The following POLH variants were observed in gnomAD, a reference collection of about 807,000 sequenced individuals.
The protein encoded by POLH is DNA polymerase eta transcript.
A neutral mutation model predicts 73.6 loss-of-function variants in POLH; 53 were observed. The observed-to-expected ratio is 0.72, with a 90% CI of 0.58 to 0.91. The LOEUF (loss-of-function observed/expected upper bound fraction) is 0.91, where lower values mean the gene tolerates loss of function less well. Ranked by LOEUF, POLH falls within the 40% of genes least tolerant of loss-of-function variation. The probability of loss-of-function intolerance (pLI) is 0.00; values close to 1 mark genes in which losing one functional copy is unlikely to be tolerated. For synonymous variants in POLH, 292 were observed against 308.5 expected (o/e 0.95, Z 0.56); for missense variants, 768 against 865.4 (o/e 0.89, Z 1.41).
intron 1 of POLH, chr6:43,578,317 G>T: frequency 2.9e-6 from 1 of 342,606 alleles, no homozygotes; most frequent in East Asian, 1.1e-4. Context: ...AACCCGGGAG[G>T]CGTAGGTTGC....
intron 9 of POLH, among the ~76,000 whole-genome samples, chr6:43,605,826 T>C (rs1041084522): frequency 2.0e-5 from 3 of 152,064 alleles, no homozygotes; most frequent in African/African-American, 7.2e-5. Context: ...CAAGTGATTC[T>C]CCTGCCTCAC....
At chr6:43,580,768 A>ACC (rs1260405831) in intron 1 of POLH, among the ~76,000 whole-genome samples, 2 of 103,158 alleles carry the variant, frequency 1.9e-5, no homozygotes, top group African/African-American at 4.1e-5. Context: ...CGGGGGGCCG[A>ACC]CCCCCCCACC....
chr6:43,614,017 GAA>G lies in POLH; in HGVS notation c.1605_1606del (p.Leu537AlafsTer8), dbSNP rs777420131. The G allele has an allele frequency of 3.1e-6, 5 of 1,614,036 alleles. No homozygotes were observed. In the African/African-American group the frequency reaches 5.3e-5, roughly 17 times the overall value. ...STGTEPFFKQ[K>X]SLLLKQKQLN... is the part of the protein sequence containing the mutation. Reference sequence around the variant, plus strand: ...CAGGAACTGAGCCCTTCTTTAAGCAGAAAAGTCTGCTTCTAAAGCAGAAACAG... The same window carrying G: ...CAGGAACTGAGCCCTTCTTTAAGCAGAAGTCTGCTTCTAAAGCAGAAACAG... On this transcript the variant is annotated frameshift_variant, in exon 11 of 11. Coordinates refer to ENST00000372236, the MANE Select transcript of POLH (RefSeq NM_006502.3). LOFTEE classifies it high-confidence loss of function.
intron 4 of POLH, 81 bp from the exon 5 acceptor site, chr6:43,597,615 T>C (rs1377188515): frequency 1.5e-6 from 2 of 1,320,376 alleles, no homozygotes; most frequent in East Asian, 2.5e-5. Context: ...ATACCTGTAA[T>C]CTAAGCATTT....
At chr6:43,580,873 C>A (rs1237096250) in intron 1 of POLH, among the ~76,000 whole-genome samples, 5 of 145,354 alleles carry the variant, frequency 3.4e-5, no homozygotes, top group South Asian at 2.2e-4. Context: ...CCAGACGGGG[C>A]GGCTGGCCGG....
chr6:43,590,740 T>C (rs1765365631), intron 4 of POLH: 2 of 151,932 alleles, frequency 1.3e-5, no homozygotes, highest in African/African-American at 4.8e-5. Flanking sequence ...CTGGCCAACA[T>C]GGCGAAACCC....
Position 43,597,867 on chromosome 6 carries a change from T to TG in POLH, c.660+3dup. 1 of 1,607,050 alleles carries TG rather than the reference T, an allele frequency of 6.2e-7. No individual in the cohort carries two copies. The highest frequency in any genetic ancestry group is 8.5e-7 in the Non-Finnish European group (1 of 1,173,580). ...TCAGCTGGAATTTCACACAATAAGG[T>TG]GAAGGCTAATAGTAGATTTCAAAGA... On this transcript the variant is annotated splice_region_variant and intron_variant, in intron 5 of 10. Transcript: ENST00000372236.
chr6:43,603,688 A>G (rs1205300892), intron 6 of POLH, among the ~76,000 whole-genome samples: 1 of 152,246 alleles, frequency 6.6e-6, no homozygotes, highest in Non-Finnish European at 1.5e-5. Flanking sequence ...TTGATAGTTA[A>G]TCAAGGACTT....
intron 4 of POLH, among the ~76,000 whole-genome samples, chr6:43,593,650 G>C (rs978793585): frequency 6.6e-6 from 1 of 152,098 alleles, no homozygotes; most frequent in East Asian, 1.9e-4. Flanking sequence ...GAGAGGCCAG[G>C]GTGAGCGAAT....
Position 43,581,676 on chromosome 6 carries a change from G to GGGC in POLH, c.-4-630_-4-628dup, listed in dbSNP as rs1250422743. 4.9e-5 allele frequency among the ~76,000 whole-genome samples: 7 copies of GGGC among 144,076 alleles called. No homozygotes were observed. The South Asian group carries it at 6.3e-4, about 13-fold the overall frequency. 94.5% of individuals were successfully genotyped at this position (144,076 alleles called of 152,430 possible). A position where few individuals can be genotyped will look rare whatever the true frequency, so the allele number is the denominator to read the frequency against. Reference sequence around the variant, plus strand: ...GCTGAACTCCATCCTCCCGGCGGTCGGGCGGCGGCGGCTGCGGTCGGTCGC... The same window carrying GGGC: ...GCTGAACTCCATCCTCCCGGCGGTCGGGCGGCGGCGGCGGCTGCGGTCGGTCGC... On this transcript the variant is annotated intron_variant, in intron 1 of 10. Coordinates refer to ENST00000372236, the MANE Select transcript of POLH (RefSeq NM_006502.3).
At chr6:43,578,641 G>A (rs6458343) in intron 1 of POLH, among the ~76,000 whole-genome samples, 28,601 of 152,126 alleles carry the variant, frequency 0.19, 5,730 homozygotes, top group African/African-American at 0.51. Context: ...TTAAATTTTG[G>A]TAATTGTGTT....
At chr6:43,595,848 T>C (rs1765989664) in intron 4 of POLH, among the ~76,000 whole-genome samples, 1 of 151,918 alleles carries the variant, frequency 6.6e-6, no homozygotes, top group African/African-American at 2.4e-5. Context: ...TATTTTTCTT[T>C]TTTTTTTTAA....
Position 43,597,838 on chromosome 6 carries a change from G to C in POLH, c.633G>C (p.Gln211His). 1 of 1,613,918 alleles carries C rather than the reference G, an allele frequency of 6.2e-7. No individual in the cohort carries two copies. The highest frequency in any genetic ancestry group is 8.5e-7 in the Non-Finnish European group (1 of 1,179,798). The change falls in exon 5 of 11, where the codon CAG (glutamine) becomes CAC (histidine). Residue 211 changes from glutamine (Q) to histidine (H), a missense_variant. By Grantham distance (24) the Gln-to-His change is conservative. Coordinates refer to ENST00000372236, the MANE Select transcript of POLH (RefSeq NM_006502.3). ...RAAIERETGF[Q>H]CSAGISHNKV... ...CCATAGAGAGGGAGACTGGTTTTCA[G>C]TGTTCAGCTGGAATTTCACACAATA...
chr6:43,613,656 A>G lies in POLH; in HGVS notation c.1245-4A>G. On this transcript the variant is annotated splice_polypyrimidine_tract_variant and splice_region_variant and intron_variant, in intron 10 of 10. Transcript: ENST00000372236. ...ATCATCTTATTTCTTTACTTTCTGT[A>G]TAGGTCTCCTCCTCTCACAATGCTT... is the stretch of plus-strand genomic sequence containing the variant. The G allele has an allele frequency of 1.9e-6, 3 of 1,611,364 alleles. No individual in the cohort carries two copies. The highest frequency in any genetic ancestry group is 2.5e-6 in the Non-Finnish European group (3 of 1,177,622).
At position 43,613,772 on chromosome 6, in the gene POLH, A is replaced by G. The variant is rs766816865; in HGVS notation, c.1357A>G (p.Lys453Glu). The G allele has an allele frequency of 1.9e-6, 3 of 1,613,874 alleles. No homozygotes were observed. Among genetic ancestry groups the G allele is most frequent in the East Asian group, 2.2e-5 (1 of 44,882 alleles). Residue 453 changes from lysine to glutamate, a missense_variant, in exon 11 of 11, where the codon AAG becomes GAG. Coordinates refer to ENST00000372236, the MANE Select transcript of POLH (RefSeq NM_006502.3). Reference sequence around the variant, plus strand: ...GAGCAGTGACCCAAGTTCTCTGCCAAAGGTGCCAGTTACCAGCTCAGAAGC... The same window carrying G: ...GAGCAGTGACCCAAGTTCTCTGCCAGAGGTGCCAGTTACCAGCTCAGAAGC... ...FLSSDPSSLP[K>E]VPVTSSEAKT...
chr6:43,618,070 A>G lies in POLH; in HGVS notation c.*3513A>G, dbSNP rs1768464990. Among the ~76,000 whole-genome samples the G allele has an allele frequency of 6.6e-6, 1 of 152,168 alleles. No individual in the cohort carries two copies. The highest frequency in any genetic ancestry group is 1.5e-5 in the Non-Finnish European group (1 of 68,020). On this transcript the variant is annotated 3_prime_UTR_variant, in exon 11 of 11. Transcript: ENST00000372236. ...AGCCATTAGGGTTACTGGCTTGTTC[A>G]TCTTTCCCACTGAGTGTAAATATTT...
At chr6:43,577,072 G>A (rs1247008312) in intron 1 of POLH, among the ~76,000 whole-genome samples, 2 of 152,156 alleles carry the variant, frequency 1.3e-5, no homozygotes, top group Admixed American at 6.5e-5. Flanking sequence ...CCAGCTACTC[G>A]GGAGGCTGAG....
rs777076381 is a variant in POLH, at chr6:43,613,994, G to A, written c.1579G>A (p.Gly527Arg). ...SLPFQTSQSTGTEPFFKQKSL... is the reference protein window; with the variant it reads ...SLPFQTSQSTRTEPFFKQKSL... ...ACCTTTTCAAACCAGTCAAAGTACA[G>A]GAACTGAGCCCTTCTTTAAGCAGAA... The change falls in exon 11 of 11, where the codon GGA (glycine) becomes AGA (arginine). Residue 527 changes from glycine to arginine, a missense_variant. Transcript: ENST00000372236. 3 of 1,614,094 alleles carry A rather than the reference G, an allele frequency of 1.9e-6. No individual in the cohort carries two copies. The Admixed American group carries it at 5.0e-5, about 27-fold the overall frequency.
intron 1 of POLH, among the ~76,000 whole-genome samples, chr6:43,581,839 T>C (rs1764301374): frequency 6.6e-6 from 1 of 151,106 alleles, no homozygotes. Context: ...ACGGGCTCCC[T>C]AAGCCACCGA....
Sources: allele counts gnomAD v4.1 joint callset (sites outside exome capture counted in the v4.1 genomes callset), GRCh38; gene constraint gnomAD v4.1.1; transcripts MANE v1.5; gene names NCBI Gene and HGNC (gene_info 2026-07-23, HGNC 2026-07-21).